LXN: variants seen among roughly 807,000 people sequenced by gnomAD.
LXN encodes latexin, also known as MUM.
In LXN, 28 loss-of-function variants were observed where a neutral mutation model predicts 29.8. That is an observed-to-expected ratio of 0.94 (90% CI 0.70 to 1.29). The LOEUF (loss-of-function observed/expected upper bound fraction) is 1.29, where lower values mean the gene tolerates loss of function less well. Among genes scored for constraint, LXN ranks in the 50% most tolerant of loss-of-function variants. The pLI, the probability that LXN is intolerant of heterozygous loss-of-function variation, is 0.00. For synonymous variants in LXN, 77 were observed against 89.6 expected (o/e 0.86, Z 0.80); for missense variants, 227 against 261.7 (o/e 0.87, Z 0.92).
chr3:158,669,265 A>T, intron 3 of LXN, 133 bp from the exon 4 acceptor site: 1 of 1,219,722 alleles, frequency 8.2e-7, no homozygotes, highest in Middle Eastern at 2.8e-4. Context: ...CTATGGATCT[A>T]TAAAATTTCT....
Position 158,666,506 on chromosome 3 carries a change from C to A in LXN, c.*140G>T. 2 of 1,131,258 alleles carry A rather than the reference C, an allele frequency of 1.8e-6. No individual in the cohort carries two copies. The highest frequency in any genetic ancestry group is 2.7e-6 in the Non-Finnish European group (2 of 750,522). The allele number at this position is 1,131,258 out of a possible 1,614,324, so 70.1% of individuals were successfully genotyped here. On this transcript the variant is annotated 3_prime_UTR_variant, in exon 6 of 6. Coordinates refer to ENST00000264265, the MANE Select transcript of LXN (RefSeq NM_020169.4). Reference sequence around the variant, plus strand: ...ATGTAGTGATACTTTGTATTATGGACTCTATAAAGTTCTATACTGTAATCA... The same window carrying A: ...ATGTAGTGATACTTTGTATTATGGAATCTATAAAGTTCTATACTGTAATCA...
At chr3:158,672,122 G>T (rs1724379779) in intron 1 of LXN, among the ~76,000 whole-genome samples, 1 of 152,130 alleles carries the variant, frequency 6.6e-6, no homozygotes, top group African/African-American at 2.4e-5. Context: ...TAAAAACTTT[G>T]TCTCTGCCTT....
chr3:158,671,691 C>T (rs1477272676), intron 1 of LXN, among the ~76,000 whole-genome samples: 1 of 152,196 alleles, frequency 6.6e-6, no homozygotes, highest in Non-Finnish European at 1.5e-5. Flanking sequence ...GGGATAATCT[C>T]AAATCCAGTA....
intron 2 of LXN, among the ~76,000 whole-genome samples, 196 bp downstream of exon 2, chr3:158,670,761 C>T (rs1724208680): frequency 6.6e-6 from 1 of 152,046 alleles, no homozygotes; most frequent in African/African-American, 2.4e-5. Context: ...CTTTGGGAGG[C>T]AGAGGCAGGA....
chr3:158,669,283 CT>C, intron 3 of LXN, 149 bp downstream of exon 3: 2 of 1,200,744 alleles, frequency 1.7e-6, no homozygotes, highest in Non-Finnish European at 2.3e-6. Context: ...TCTGAGGCCT[CT>C]TTTTTGTTGG....
chr3:158,668,347 CTG>C (rs1723918344), intron 4 of LXN, among the ~76,000 whole-genome samples: 1 of 152,018 alleles, frequency 6.6e-6, no homozygotes, highest in South Asian at 2.1e-4. Flanking sequence ...AGAAAAAAAT[CTG>C]TGCATGTTCA....
chr3:158,668,967 T>G (rs777713774), intron 4 of LXN, 29 bp downstream of exon 4: 6 of 1,552,152 alleles, frequency 3.9e-6, no homozygotes, highest in Non-Finnish European at 8.8e-7. Context: ...TTAACCCCAT[T>G]AATAGTGTAT....
In LXN at chr3:158,669,494, G is replaced by A; in HGVS notation, c.309C>T (p.Asp103=). 3 of 1,613,870 alleles carry A rather than the reference G, an allele frequency of 1.9e-6. No individual in the cohort carries two copies. Among genetic ancestry groups the A allele is most frequent in the Non-Finnish European group, 2.5e-6 (3 of 1,179,856 alleles). The stretch of plus-strand genomic sequence containing the variant: ...ACTTAAGTCTTTGATAAAATGTGTT[G>A]TCTTCTTCATCTGGATTCTTTCCAG... The part of the protein sequence containing the change: ...GETGKNPDEE[D]NTFYQRLKSM... Residue 103 remains aspartate, a synonymous_variant, in exon 3 of 6, where the codon GAC becomes GAT. Coordinates refer to ENST00000264265, the MANE Select transcript of LXN (RefSeq NM_020169.4).
intron 1 of LXN, 141 bp from the exon 2 acceptor site, chr3:158,671,160 T>C (rs1375310432): frequency 1.7e-6 from 2 of 1,179,566 alleles, no homozygotes; most frequent in Admixed American, 4.5e-5. Context: ...AAAAGGCATG[T>C]CACCATGAAT....
In LXN at chr3:158,672,586, A is replaced by G; in HGVS notation, c.-108T>C. ...CTGGGTCCGGTTGCCGAGGCGGAAA[A>G]GTCGCAAGCTCCTTCAGTCAGTCTT... On this transcript the variant is annotated 5_prime_UTR_variant, in exon 1 of 6. Coordinates refer to ENST00000264265, the MANE Select transcript of LXN (RefSeq NM_020169.4). The G allele has an allele frequency of 1.5e-6, 2 of 1,369,730 alleles. No homozygotes were observed. Among genetic ancestry groups the G allele is most frequent in the Non-Finnish European group, 1.0e-6 (1 of 987,942 alleles). The allele number at this position is 1,369,730 out of a possible 1,614,324, so 84.8% of individuals were successfully genotyped here.
Position 158,672,437 on chromosome 3 carries a change from G to A in LXN, c.42C>T (p.Ala14=). 3 of 1,614,074 alleles carry A rather than the reference G, an allele frequency of 1.9e-6. No individual in the cohort carries two copies. The highest frequency in any genetic ancestry group is 2.5e-6 in the Non-Finnish European group (3 of 1,179,972). Residue 14 remains alanine (A), a synonymous_variant, in exon 1 of 6, where the codon GCC becomes GCT. Transcript: ENST00000264265. The part of the protein sequence containing the change: ...PPTNYPASRA[A]LVAQNYINYQ... ...AGTTGATGTAGTTCTGTGCCACCAA[G>A]GCCGCCCTGGAGGCTGGGTAGTTGG...
chr3:158,671,717 AAAAC>A (rs1421865350), intron 1 of LXN, among the ~76,000 whole-genome samples: 8 of 152,242 alleles, frequency 5.3e-5, no homozygotes, highest in Non-Finnish European at 4.4e-5. Flanking sequence ...TCGTAAAATG[AAAAC>A]AAACCTCGTT....
At chr3:158,667,920 A>G (rs1723869264) in intron 4 of LXN, among the ~76,000 whole-genome samples, 1 of 152,232 alleles carries the variant, frequency 6.6e-6, no homozygotes, top group African/African-American at 2.4e-5. Context: ...TAGTTTCAGT[A>G]TGGCATGACT....
At chr3:158,669,708 G>A in intron 2 of LXN, 98 bp from the exon 3 acceptor site, 1 of 1,184,020 alleles carries the variant, frequency 8.4e-7, no homozygotes. Context: ...TCCTAATGGT[G>A]TTGTTTTAGA....
In LXN at chr3:158,669,451, C is replaced by T. The variant is rs1422781495; in HGVS notation, c.352G>A (p.Glu118Lys). 18 of 1,612,546 alleles carry T rather than the reference C, an allele frequency of 1.1e-5. No individual in the cohort carries two copies. The highest frequency in any genetic ancestry group is 1.4e-5 in the Non-Finnish European group (17 of 1,179,516). Residue 118 changes from glutamate to lysine, a missense_variant, in exon 3 of 6, where the codon GAA (glutamate) becomes AAA (lysine). By Grantham distance (56) the Glu-to-Lys change is moderately conservative. Transcript: ENST00000264265. ...TATATACCTGGAATATTTTGTGCTT[C>T]TAGCGGTTCCTTCATGGACTTAAGT... Reference protein sequence around the residue: ...QRLKSMKEPLEAQNIPDNFGN... With the variant: ...QRLKSMKEPLKAQNIPDNFGN...
intron 4 of LXN, among the ~76,000 whole-genome samples, chr3:158,668,338 GA>G: frequency 6.6e-6 from 1 of 152,030 alleles, no homozygotes; most frequent in Non-Finnish European, 1.5e-5. Flanking sequence ...ATCATGACGA[GA>G]AAAAAATCTG....
intron 2 of LXN, 128 bp downstream of exon 2, chr3:158,670,829 G>C (rs1167673177): frequency 2.4e-6 from 3 of 1,247,062 alleles, no homozygotes; most frequent in African/African-American, 1.6e-5. Flanking sequence ...GCTATTTGGG[G>C]AGGCTGAGGT....
At chr3:158,672,287 C>T (rs977405760) in intron 1 of LXN, 63 bp downstream of exon 1, 2 of 1,593,906 alleles carry the variant, frequency 1.3e-6, no homozygotes, top group Non-Finnish European at 1.7e-6. Context: ...GCTGAGACCG[C>T]GGGTGAGTGG....
chr3:158,668,891 T>C, intron 4 of LXN, 105 bp downstream of exon 4: 1 of 1,038,884 alleles, frequency 9.6e-7, no homozygotes, highest in Non-Finnish European at 1.4e-6. Context: ...AGGTTTGCTA[T>C]TAAATACAAA....
Sources: allele counts gnomAD v4.1 joint callset (sites outside exome capture counted in the v4.1 genomes callset), GRCh38; gene constraint gnomAD v4.1.1; transcripts MANE v1.5; gene names NCBI Gene and HGNC (gene_info 2026-07-23, HGNC 2026-07-21).